ADAM32: variants seen among roughly 807,000 people sequenced by gnomAD.
ADAM32 encodes disintegrin and metalloproteinase domain-containing protein 32.
A neutral mutation model predicts 114.9 loss-of-function variants in ADAM32; 89 were observed. The ratio of observed to expected loss-of-function variants is 0.77; its 90% CI spans 0.65 to 0.92. The LOEUF is 0.92. Ranked by LOEUF, ADAM32 falls within the 40% of genes least tolerant of loss-of-function variation. The pLI, the probability that ADAM32 is intolerant of heterozygous loss-of-function variation, is 0.00. For synonymous variants in ADAM32, 285 were observed against 307.5 expected (o/e 0.93, Z 0.77); for missense variants, 870 against 932.8 (o/e 0.93, Z 0.88).
chr8:39,116,986 C>T (rs1330204186), intron 1 of ADAM32, among the ~76,000 whole-genome samples: 1 of 152,014 alleles, frequency 6.6e-6, no homozygotes, highest in Non-Finnish European at 1.5e-5. Context: ...TGGGTTCAAG[C>T]GATTCTCCTG....
At chr8:39,128,496 G>T (rs4294154) in intron 2 of ADAM32, among the ~76,000 whole-genome samples, 52,290 of 151,944 alleles carry the variant, frequency 0.34, 9,883 homozygotes, top group East Asian at 0.59. Context: ...TCTTTTAATT[G>T]GGACATTTAG....
chr8:39,197,474 G>A (rs1807087380), intron 11 of ADAM32, among the ~76,000 whole-genome samples: 4 of 151,572 alleles, frequency 2.6e-5, no homozygotes, highest in Admixed American at 2.6e-4. Flanking sequence ...TTCTGTCTTA[G>A]TACTTCTTTT....
At chr8:39,132,201 G>T (rs903765419) in intron 2 of ADAM32, among the ~76,000 whole-genome samples, 11 of 152,152 alleles carry the variant, frequency 7.2e-5, no homozygotes, top group African/African-American at 2.7e-4. Context: ...CCCAATCGGA[G>T]GTTATTTTTG....
chr8:39,114,312 G>A (rs1465162402), intron 1 of ADAM32, among the ~76,000 whole-genome samples: 8 of 152,170 alleles, frequency 5.3e-5, no homozygotes, highest in Non-Finnish European at 5.9e-5. Context: ...GGGAAGATTC[G>A]CAGCACATTC....
chr8:39,150,302 G>A (rs1306460374), intron 5 of ADAM32, among the ~76,000 whole-genome samples: 1 of 152,066 alleles, frequency 6.6e-6, no homozygotes, highest in East Asian at 1.9e-4. Context: ...TGGAGAGCTG[G>A]TTTTGTAGAT....
chr8:39,140,085 G>C (rs1057221031), intron 3 of ADAM32, among the ~76,000 whole-genome samples: 4 of 152,144 alleles, frequency 2.6e-5, no homozygotes, highest in Non-Finnish European at 5.9e-5. Context: ...CTGAGATGAT[G>C]GGGTTTTCTA....
chr8:39,126,807 G>A (rs1354609199), intron 2 of ADAM32, among the ~76,000 whole-genome samples: 2 of 152,122 alleles, frequency 1.3e-5, no homozygotes, highest in East Asian at 1.9e-4. Context: ...CTGTGGGTTT[G>A]TCATATATGG....
chr8:39,210,115 C>G (rs1175097984), intron 11 of ADAM32, among the ~76,000 whole-genome samples: 1 of 152,118 alleles, frequency 6.6e-6, no homozygotes, highest in South Asian at 2.1e-4. Flanking sequence ...TTCTTCTTAG[C>G]TGGGGCAGGT....
At chr8:39,163,579 T>C (rs1299806363) in intron 7 of ADAM32, among the ~76,000 whole-genome samples, 2 of 152,206 alleles carry the variant, frequency 1.3e-5, no homozygotes, top group Non-Finnish European at 2.9e-5. Flanking sequence ...TTGGGTTGAA[T>C]TAGAAGAACT....
chr8:39,220,139 A>G lies in ADAM32; in HGVS notation c.1234-1471A>G, dbSNP rs187444425. 4.0e-4 allele frequency among the ~76,000 whole-genome samples: 61 copies of G among 152,274 alleles called. No individual in the cohort carries two copies. In the East Asian group the frequency reaches 0.01, roughly 26 times the overall value. ...GTTCTACAGTGTTCAGTGCATATATATTTGGTACCATTAAGTCTTCTTGTT... is the reference window on the plus strand; with the variant it reads ...GTTCTACAGTGTTCAGTGCATATATGTTTGGTACCATTAAGTCTTCTTGTT... On this transcript the variant is annotated intron_variant, in intron 12 of 24. Coordinates refer to ENST00000379907, the MANE Select transcript of ADAM32 (RefSeq NM_145004.7).
At chr8:39,145,567 G>A (rs1424396054) in intron 3 of ADAM32, among the ~76,000 whole-genome samples, 1 of 152,096 alleles carries the variant, frequency 6.6e-6, no homozygotes, top group African/African-American at 2.4e-5. Flanking sequence ...TCCAAATAAA[G>A]GGACTTAGAA....
Position 39,221,598 on chromosome 8 carries a change from A to G in ADAM32, c.1234-12A>G, listed in dbSNP as rs765805697. On this transcript the variant is annotated splice_polypyrimidine_tract_variant and intron_variant, in intron 12 of 24. Coordinates refer to ENST00000379907, the MANE Select transcript of ADAM32 (RefSeq NM_145004.7). ...TGATGTATTTTTACTTGTACATTTC[A>G]CTAATTCATAGCAATGTGGACCTGC... 5.6e-6 allele frequency: 9 copies of G among 1,595,586 alleles called. No homozygotes were observed. In the Admixed American group the frequency reaches 1.5e-4, roughly 27 times the overall value.
chr8:39,243,047 T>C (rs748260040), intron 16 of ADAM32, among the ~76,000 whole-genome samples: 1 of 151,950 alleles, frequency 6.6e-6, no homozygotes, highest in Non-Finnish European at 1.5e-5. Context: ...GATAAATAAA[T>C]TCCTGGAAAT....
chr8:39,169,949 G>A lies in ADAM32; in HGVS notation c.867G>A (p.Val289=), dbSNP rs780418689. 6.2e-7 allele frequency: 1 copy of A among 1,601,082 alleles called. No individual in the cohort carries two copies. Among genetic ancestry groups the A allele is most frequent in the East Asian group, 2.2e-5 (1 of 44,582 alleles). The change falls in exon 10 of 25, where the codon GTG becomes GTA. Residue 289 remains valine (V), a synonymous_variant. Coordinates refer to ENST00000379907, the MANE Select transcript of ADAM32 (RefSeq NM_145004.7). ...YMDYPRYLGA[V]FPGTMCITRY... ...ATTATCCTCGTTATTTGGGAGCAGT[G>A]TTTCCTGGAACAATGTGTATTACTC...
intron 2 of ADAM32, among the ~76,000 whole-genome samples, chr8:39,136,284 T>A (rs1802798133): frequency 6.6e-6 from 1 of 152,194 alleles, no homozygotes; most frequent in East Asian, 1.9e-4. Flanking sequence ...GGTTAAATAA[T>A]TTTTATGGTG....
chr8:39,203,082 G>T (rs1807545293), intron 11 of ADAM32, among the ~76,000 whole-genome samples: 1 of 152,238 alleles, frequency 6.6e-6, no homozygotes, highest in South Asian at 2.1e-4. Flanking sequence ...TAAGTGTGAT[G>T]TGGTGCTGAG....
At chr8:39,187,536 G>T (rs141551966) in intron 11 of ADAM32, among the ~76,000 whole-genome samples, 4,183 of 152,306 alleles carry the variant, frequency 0.027, 216 homozygotes, top group African/African-American at 0.095. Context: ...CTCCCAAAGT[G>T]CTGGGATTAC....
chr8:39,186,860 C>G (rs757832313), intron 10 of ADAM32, 49 bp from the exon 11 acceptor site: 2 of 1,438,576 alleles, frequency 1.4e-6, no homozygotes, highest in Admixed American at 4.5e-5. Context: ...ATTTTTACCA[C>G]CCTTTAGAGA....
intron 20 of ADAM32, among the ~76,000 whole-genome samples, chr8:39,273,443 C>T (rs1416574574): frequency 6.6e-6 from 1 of 152,130 alleles, no homozygotes; most frequent in African/African-American, 2.4e-5. Context: ...AGGAGAATCG[C>T]TTGAGCCCAG....
Sources: gnomAD v4.1 joint callset for allele counts (sites outside exome capture counted in the v4.1 genomes callset) on GRCh38, gnomAD v4.1.1 for gene constraint, MANE v1.5 for transcripts, NCBI Gene and HGNC (gene_info 2026-07-23, HGNC 2026-07-21) for gene names.